The following WDPCP variants were observed in gnomAD, a reference collection of about 807,000 sequenced individuals.
WDPCP encodes the protein WD repeat-containing and planar cell polarity effector protein fritz homolog.
A neutral mutation model predicts 93.1 loss-of-function variants in WDPCP; 71 were observed. That is an observed-to-expected ratio of 0.76 (90% CI 0.63 to 0.93). WDPCP has a LOEUF of 0.93. WDPCP is among the 40% of genes least tolerant of loss of function. WDPCP has a pLI of 0.00. For missense variants in WDPCP, 844 were observed against 887.4 expected (o/e 0.95, Z 0.62); for synonymous variants, 315 against 315.0 (o/e 1.00, Z 0.00).
intron 2 of WDPCP, among the ~76,000 whole-genome samples, chr2:63,755,425 CT>C (rs1669951677): frequency 6.6e-6 from 1 of 152,124 alleles, no homozygotes; most frequent in African/African-American, 2.4e-5. Context: ...AGCCATGTGC[CT>C]TTTATTACAG....
rs557759870 is a variant in WDPCP at position 63,622,655 on chromosome 2, G to C, written n.488+28004C>G. On this transcript the variant is annotated intron_variant and non_coding_transcript_variant, in intron 3 of 4. Coordinates refer to the WDPCP transcript ENST00000467687. Reference sequence around the variant, plus strand: ...GCTTGGCCCAGCGTGGCATTCTGTTGGTCTTGGTCAGGAGTCGCCGGGACA... The same window carrying C: ...GCTTGGCCCAGCGTGGCATTCTGTTCGTCTTGGTCAGGAGTCGCCGGGACA... The C allele has an allele frequency of 3.7e-6, 6 of 1,613,888 alleles. No individual in the cohort carries two copies. In the African/African-American group the frequency reaches 6.7e-5, roughly 18 times the overall value.
At chr2:63,353,734 T>C (rs1216506553) in intron 12 of WDPCP, among the ~76,000 whole-genome samples, 1 of 152,166 alleles carries the variant, frequency 6.6e-6, no homozygotes, top group Non-Finnish European at 1.5e-5. Context: ...GCACCGTATG[T>C]CCCTGGGATG....
intron 2 of WDPCP, among the ~76,000 whole-genome samples, chr2:63,801,014 A>C (rs2104035312): frequency 6.6e-6 from 1 of 152,342 alleles, no homozygotes; most frequent in South Asian, 2.1e-4. Context: ...GGATTAGACC[A>C]TTATACTCAG....
At chr2:63,508,676 G>A (rs1162423535) in intron 1 of WDPCP, among the ~76,000 whole-genome samples, 8 of 152,056 alleles carry the variant, frequency 5.3e-5, no homozygotes, top group African/African-American at 1.9e-4. Flanking sequence ...AGTGTGCTGT[G>A]TTCAGGAGAC....
chr2:63,595,365 T>G (rs966983801), intron 3 of WDPCP: 4 of 1,060,088 alleles, frequency 3.8e-6, no homozygotes, highest in Middle Eastern at 4.0e-4. Context: ...TGAAAAGACT[T>G]TCTTGTGTCT....
intron 2 of WDPCP, among the ~76,000 whole-genome samples, chr2:63,793,483 T>C (rs1670573157): frequency 6.6e-6 from 1 of 152,144 alleles, no homozygotes; most frequent in African/African-American, 2.4e-5. Context: ...TAGTGGCCCA[T>C]ACCCGTAATC....
intron 1 of WDPCP, among the ~76,000 whole-genome samples, chr2:63,579,866 A>G (rs1708382526): frequency 6.6e-6 from 1 of 152,198 alleles, no homozygotes; most frequent in Admixed American, 6.5e-5. Flanking sequence ...TAGTATTAAA[A>G]GGTGGGGACT....
At chr2:63,410,002 C>T (rs1694909499) in intron 9 of WDPCP, among the ~76,000 whole-genome samples, 1 of 152,176 alleles carries the variant, frequency 6.6e-6, no homozygotes, top group African/African-American at 2.4e-5. Flanking sequence ...TTGCTAGAGA[C>T]ATCCAAATAC....
intron 14 of WDPCP, among the ~76,000 whole-genome samples, chr2:63,208,916 T>A (rs1469678614): frequency 1.3e-5 from 2 of 152,142 alleles, no homozygotes; most frequent in East Asian, 3.9e-4. Flanking sequence ...GCATTATTAT[T>A]TCATAGGTAT....
chr2:63,569,764 C>T (rs1707345184), intron 1 of WDPCP, among the ~76,000 whole-genome samples: 1 of 152,164 alleles, frequency 6.6e-6, no homozygotes, highest in African/African-American at 2.4e-5. Flanking sequence ...TCCCCACCTA[C>T]ATGAAATTTG....
At chr2:63,230,694 T>C (rs559729664) in intron 14 of WDPCP, among the ~76,000 whole-genome samples, 25 of 152,334 alleles carry the variant, frequency 1.6e-4, no homozygotes, top group African/African-American at 2.6e-4. Context: ...CCAGTGATGA[T>C]GAGCATTTTT....
chr2:63,833,840 T>C, the WDPCP span, among the ~76,000 whole-genome samples: 4 of 152,332 alleles, frequency 2.6e-5, no homozygotes, highest in East Asian at 1.9e-4. Context: ...GAATGAACTA[T>C]AGTATGGTCA....
chr2:63,757,389 T>C (rs1209015160), intron 2 of WDPCP, among the ~76,000 whole-genome samples: 1 of 152,184 alleles, frequency 6.6e-6, no homozygotes, highest in Non-Finnish European at 1.5e-5. Flanking sequence ...AGCCCTTATG[T>C]ATCAGGTGAG....
intron 2 of WDPCP, among the ~76,000 whole-genome samples, chr2:63,712,738 T>C (rs1669280787): frequency 6.6e-6 from 1 of 152,242 alleles, no homozygotes; most frequent in Non-Finnish European, 1.5e-5. Flanking sequence ...TCTTTTTCTG[T>C]GTGAAGACAG....
chr2:63,136,396 G>A (rs1181901587), intron 17 of WDPCP, among the ~76,000 whole-genome samples: 1 of 152,074 alleles, frequency 6.6e-6, no homozygotes, highest in African/African-American at 2.4e-5. Context: ...GATGGAGAGA[G>A]TGAGAGAGAG....
chr2:63,259,451 C>T (rs776889525), intron 13 of WDPCP, 42 bp from the exon 14 acceptor site: 1 of 1,509,876 alleles, frequency 6.6e-7, no homozygotes, highest in South Asian at 1.1e-5. Flanking sequence ...TCAAAATGAA[C>T]CTTGCCCAAG....
chr2:63,588,108 G>C (rs914986194), intron 1 of WDPCP, 89 bp downstream of exon 1: 3 of 1,465,464 alleles, frequency 2.0e-6, no homozygotes, highest in Admixed American at 2.0e-5. Flanking sequence ...CATCCGCACA[G>C]CGGATAAAAG....
intron 2 of WDPCP, among the ~76,000 whole-genome samples, chr2:63,488,031 C>G (rs187038260): frequency 3.9e-4 from 60 of 152,166 alleles, no homozygotes; most frequent in African/African-American, 1.4e-3. Flanking sequence ...ACAGGGAAAA[C>G]CCCTTCTAAA....
intron 13 of WDPCP, among the ~76,000 whole-genome samples, chr2:63,299,075 A>G (rs1031716382): frequency 6.6e-6 from 1 of 152,166 alleles, no homozygotes; most frequent in African/African-American, 2.4e-5. Context: ...AGACTGTTAC[A>G]TGCATCCTCT....
Sources: allele counts gnomAD v4.1 joint callset (sites outside exome capture counted in the v4.1 genomes callset), GRCh38; gene constraint gnomAD v4.1.1; transcripts MANE v1.5; gene names NCBI Gene and HGNC (gene_info 2026-07-23, HGNC 2026-07-21).